The following RPS6KA2 variants were observed in gnomAD, a reference collection of about 807,000 sequenced individuals.
The protein encoded by RPS6KA2 is ribosomal protein S6 kinase A2.
In RPS6KA2, 42 loss-of-function variants were observed where a neutral mutation model predicts 91.8. The observed-to-expected ratio is 0.46, with a 90% CI of 0.36 to 0.59. RPS6KA2 has a LOEUF of 0.59. Among genes scored for constraint, RPS6KA2 ranks in the 20% least tolerant of loss-of-function variants. RPS6KA2 has a pLI of 0.00. For synonymous variants in RPS6KA2, 414 were observed against 393.6 expected, an observed-to-expected ratio of 1.05 and a Z score of -0.61; for missense variants, 798 against 978.5, an observed-to-expected ratio of 0.82 and a Z score of 2.46.
At chr6:166,741,604 G>A (rs370783687) in intron 2 of RPS6KA2, among the ~76,000 whole-genome samples, 5 of 152,390 alleles carry the variant, frequency 3.3e-5, no homozygotes, top group African/African-American at 1.2e-4. Context: ...TTAGTACTGT[G>A]CTGAGGGATC....
At chr6:166,571,143 G>A (rs567861007) in intron 1 of RPS6KA2, among the ~76,000 whole-genome samples, 9 of 152,326 alleles carry the variant, frequency 5.9e-5, no homozygotes, top group Middle Eastern at 6.8e-3. Context: ...CAGCAGGCCT[G>A]GGAGACCGAA....
At chr6:166,807,675 C>T (rs761176938) in intron 2 of RPS6KA2, among the ~76,000 whole-genome samples, 3 of 152,182 alleles carry the variant, frequency 2.0e-5, no homozygotes, top group East Asian at 3.9e-4. Flanking sequence ...ACTTGCTCTG[C>T]AGGTCACGCT....
At chr6:166,486,523 G>A (rs934022730) in intron 10 of RPS6KA2, among the ~76,000 whole-genome samples, 8 of 152,246 alleles carry the variant, frequency 5.3e-5, no homozygotes. Context: ...CAGTTCCCCA[G>A]CCTCTCAGAC....
intron 12 of RPS6KA2, among the ~76,000 whole-genome samples, chr6:166,456,103 T>C (rs1780095657): frequency 6.6e-6 from 1 of 152,168 alleles, no homozygotes; most frequent in Non-Finnish European, 1.5e-5. Flanking sequence ...AGCAATGTCT[T>C]CTAACCAACC....
rs1318380356 is a variant in RPS6KA2, at chr6:166,852,611, T to A, written c.123+5589A>T. On this transcript the variant is annotated intron_variant, in intron 2 of 21. Coordinates refer to the RPS6KA2 transcript ENST00000503859. This position sits in a 1 kb window ranked among gnomAD's most constrained non-coding sequence, Gnocchi z 4.1. The stretch of plus-strand genomic sequence containing the variant: ...CCCTTTCTGCCTGTTGCCACGAGTC[T>A]CTTCCTGACCCTTTTCCTCACCAGG... 6.6e-6 allele frequency among the ~76,000 whole-genome samples: 1 copy of A among 152,108 alleles called. No homozygotes were observed. The highest frequency in any genetic ancestry group is 6.5e-5 in the Admixed American group (1 of 15,280).
At chr6:166,529,063 A>T (rs1421657123) in intron 3 of RPS6KA2, among the ~76,000 whole-genome samples, 1 of 152,214 alleles carries the variant, frequency 6.6e-6, no homozygotes, top group Non-Finnish European at 1.5e-5. Context: ...CAGCCATCCC[A>T]TTACTGGGTA....
intron 11 of RPS6KA2, among the ~76,000 whole-genome samples, chr6:166,464,843 C>T (rs112835023): frequency 8.5e-5 from 13 of 152,272 alleles, no homozygotes; most frequent in African/African-American, 2.2e-4. Flanking sequence ...CCCGTGCAGA[C>T]GTTCACTCGC....
At chr6:166,727,536 G>T (rs771150327) in intron 2 of RPS6KA2, among the ~76,000 whole-genome samples, 7 of 151,768 alleles carry the variant, frequency 4.6e-5, no homozygotes, top group Non-Finnish European at 4.4e-5. Context: ...GCACCCTAAG[G>T]TACCAGAATC....
intron 2 of RPS6KA2, among the ~76,000 whole-genome samples, chr6:166,847,777 T>C (rs1025381862): frequency 1.3e-5 from 2 of 152,150 alleles, no homozygotes; most frequent in Admixed American, 6.5e-5. Flanking sequence ...GATCAAAGAC[T>C]TAAATCTAAG....
At chr6:166,816,410 C>T (rs1344770618) in intron 2 of RPS6KA2, among the ~76,000 whole-genome samples, 4 of 60,972 alleles carry the variant, frequency 6.6e-5, no homozygotes, top group Non-Finnish European at 1.1e-4. Flanking sequence ...AAAAAAATAG[C>T]TGGGTGTGGT....
intron 6 of RPS6KA2, among the ~76,000 whole-genome samples, chr6:166,502,396 A>C (rs1281338408): frequency 6.6e-6 from 1 of 152,248 alleles, no homozygotes; most frequent in Non-Finnish European, 1.5e-5. Flanking sequence ...AGCACCTTTC[A>C]AGATTAATTC....
chr6:166,431,283 G>C (rs968149636), intron 15 of RPS6KA2, among the ~76,000 whole-genome samples: 2 of 152,234 alleles, frequency 1.3e-5, no homozygotes, highest in Non-Finnish European at 2.9e-5. Flanking sequence ...CACCTTGCAA[G>C]AGCAGGGCCT....
chr6:166,802,742 A>T (rs558080022), intron 2 of RPS6KA2, among the ~76,000 whole-genome samples: 1 of 152,350 alleles, frequency 6.6e-6, no homozygotes, highest in Admixed American at 6.5e-5. Context: ...GGACGAAACT[A>T]CATCAGAATA....
chr6:166,799,649 C>A (rs1457860414), intron 2 of RPS6KA2, among the ~76,000 whole-genome samples: 2 of 151,190 alleles, frequency 1.3e-5, no homozygotes, highest in Non-Finnish European at 2.9e-5. Flanking sequence ...TAATTGGATT[C>A]CAGCGGAAAC....
chr6:166,838,594 G>A (rs1780379515), intron 2 of RPS6KA2, among the ~76,000 whole-genome samples: 1 of 152,154 alleles, frequency 6.6e-6, no homozygotes, highest in South Asian at 2.1e-4. Context: ...AAATCAGAAT[G>A]GAACCAACAA....
At chr6:166,618,426 T>A (rs1173690788) in intron 1 of RPS6KA2, among the ~76,000 whole-genome samples, 2 of 151,756 alleles carry the variant, frequency 1.3e-5, no homozygotes, top group African/African-American at 4.8e-5. Context: ...GGCCTGGGTG[T>A]GGAAGGGGTA....
At chr6:166,523,139 C>T (rs1357873608) in intron 3 of RPS6KA2, among the ~76,000 whole-genome samples, 1 of 152,190 alleles carries the variant, frequency 6.6e-6, no homozygotes, top group Non-Finnish European at 1.5e-5. Flanking sequence ...GAGGACTCCA[C>T]CATACAGAGG....
At chr6:166,815,943 C>T (rs1053751301) in intron 2 of RPS6KA2, among the ~76,000 whole-genome samples, 1 of 152,150 alleles carries the variant, frequency 6.6e-6, no homozygotes, top group Non-Finnish European at 1.5e-5. Context: ...AGTAGCTGTG[C>T]TACTTATTTC....
chr6:166,678,812 C>T (rs987201288), intron 2 of RPS6KA2, among the ~76,000 whole-genome samples: 1 of 152,212 alleles, frequency 6.6e-6, no homozygotes, highest in Non-Finnish European at 1.5e-5. Flanking sequence ...CCTTGAGCCC[C>T]CTGTGCTTCA....
Sources: gnomAD v4.1 joint callset for allele counts (sites outside exome capture counted in the v4.1 genomes callset) on GRCh38, gnomAD v4.1.1 for gene constraint, Gnocchi (gnomAD v3.1) non-coding constraint, MANE v1.5 for transcripts, NCBI Gene and HGNC (gene_info 2026-07-23, HGNC 2026-07-21) for gene names.